Variants in HS3ST3B1 observed in about 807,000 individuals in gnomAD.
The protein encoded by HS3ST3B1 is heparan sulfate-glucosamine 3-sulfotransferase 3B1.
A neutral mutation model predicts 21.3 loss-of-function variants in HS3ST3B1; 13 were observed. The observed-to-expected ratio is 0.61, with a 90% CI of 0.40 to 0.97. The LOEUF (loss-of-function observed/expected upper bound fraction) is 0.97. HS3ST3B1 is among the 50% of genes least tolerant of loss of function. The pLI, the probability that HS3ST3B1 is intolerant of heterozygous loss-of-function variation, is 0.00. For missense variants in HS3ST3B1, 459 were observed against 554.8 expected, an observed-to-expected ratio of 0.83 and a Z score of 1.73; for synonymous variants, 234 against 254.8, an observed-to-expected ratio of 0.92 and a Z score of 0.78.
intron 1 of HS3ST3B1, among the ~76,000 whole-genome samples, chr17:14,316,083 C>G (rs1296172212): frequency 6.6e-6 from 1 of 152,138 alleles, no homozygotes; most frequent in African/African-American, 2.4e-5. Flanking sequence ...AGGTTTCTTG[C>G]AGTTCTAAGA....
intron 1 of HS3ST3B1, among the ~76,000 whole-genome samples, chr17:14,320,917 G>A (rs957352386): frequency 1.3e-5 from 2 of 152,158 alleles, no homozygotes; most frequent in African/African-American, 4.8e-5. Flanking sequence ...CACCTGTTCC[G>A]AGTGTGCAAT....
At chr17:14,336,296 C>T (rs1910183751) in intron 1 of HS3ST3B1, among the ~76,000 whole-genome samples, 1 of 152,082 alleles carries the variant, frequency 6.6e-6, no homozygotes, top group African/African-American at 2.4e-5. Context: ...GTGTAATTTA[C>T]CAGTTCAAAC....
rs897677246 is a variant in HS3ST3B1, at chr17:14,303,638, G to A, written c.554+1566G>A. On this transcript the variant is annotated intron_variant, in intron 1 of 1. Transcript: ENST00000360954. This position sits in a 1 kb window ranked among gnomAD's most constrained non-coding sequence, Gnocchi z 5.7. ...TGGGAATAATGCAGGTTCTGGGCAG[G>A]GATGGGAAGAGTGAATGCGCTGGTA... Among the ~76,000 whole-genome samples, 24 of 152,168 alleles carry A rather than the reference G, an allele frequency of 1.6e-4. 1 individual carries two copies.
At chr17:14,328,323 C>G (rs1170855426) in intron 1 of HS3ST3B1, 1 of 152,126 alleles carries the variant, frequency 6.6e-6, no homozygotes, top group African/African-American at 2.4e-5. Flanking sequence ...AGGTATCGGG[C>G]TTTTAGAATA....
chr17:14,333,515 A>C (rs1910088842), intron 1 of HS3ST3B1, among the ~76,000 whole-genome samples: 1 of 151,836 alleles, frequency 6.6e-6, no homozygotes, highest in South Asian at 2.1e-4. Context: ...CAACTATTGC[A>C]ACAAAGGAAA....
intron 1 of HS3ST3B1, among the ~76,000 whole-genome samples, chr17:14,334,842 C>T (rs1910141654): frequency 1.3e-5 from 2 of 151,618 alleles, no homozygotes; most frequent in Admixed American, 6.6e-5. Context: ...TGATGTTTGT[C>T]GGTTTATCAG....
At chr17:14,308,461 G>A (rs1293110469) in intron 1 of HS3ST3B1, among the ~76,000 whole-genome samples, 3 of 152,250 alleles carry the variant, frequency 2.0e-5, no homozygotes, top group East Asian at 1.9e-4. Context: ...TTCAGAAAAT[G>A]TACTTCATTG....
At chr17:14,308,717 A>T (rs1909207804) in intron 1 of HS3ST3B1, among the ~76,000 whole-genome samples, 1 of 152,190 alleles carries the variant, frequency 6.6e-6, no homozygotes, top group South Asian at 2.1e-4. Context: ...GTTTAACATC[A>T]AGTTGATTGT....
intron 1 of HS3ST3B1, among the ~76,000 whole-genome samples, chr17:14,319,698 G>A (rs1597592270): frequency 1.3e-5 from 2 of 152,272 alleles, no homozygotes; most frequent in East Asian, 3.9e-4. Context: ...AAAATATAAT[G>A]TCACCAAGAG....
intron 1 of HS3ST3B1, among the ~76,000 whole-genome samples, chr17:14,319,382 G>T (rs1156674749): frequency 6.6e-6 from 1 of 152,172 alleles, no homozygotes; most frequent in Non-Finnish European, 1.5e-5. Context: ...AGTCCCTGAG[G>T]ATTGATTATA....
At chr17:14,323,794 G>T (rs1909727638) in intron 1 of HS3ST3B1, among the ~76,000 whole-genome samples, 2 of 152,152 alleles carry the variant, frequency 1.3e-5, no homozygotes, top group African/African-American at 4.8e-5. Flanking sequence ...TCTTTGGAGA[G>T]GTTTGAGCTT....
At chr17:14,321,403 G>A (rs569910869) in intron 1 of HS3ST3B1, among the ~76,000 whole-genome samples, 68 of 152,244 alleles carry the variant, frequency 4.5e-4, no homozygotes, top group African/African-American at 1.6e-3. Flanking sequence ...TGTATCTCCC[G>A]TCTTCTAAAG....
intron 1 of HS3ST3B1, among the ~76,000 whole-genome samples, chr17:14,330,804 AGG>A (rs1379938952): frequency 6.6e-6 from 1 of 152,118 alleles, no homozygotes; most frequent in Non-Finnish European, 1.5e-5. Context: ...TGCTTGCTGG[AGG>A]AATGGCCCTT....
At chr17:14,344,180 G>A (rs927450461) in intron 1 of HS3ST3B1, among the ~76,000 whole-genome samples, 2 of 152,252 alleles carry the variant, frequency 1.3e-5, no homozygotes, top group African/African-American at 2.4e-5. Flanking sequence ...GATTAATGGC[G>A]TGAGCCACTG....
At chr17:14,320,711 C>T (rs1371464943) in intron 1 of HS3ST3B1, among the ~76,000 whole-genome samples, 3 of 152,122 alleles carry the variant, frequency 2.0e-5, no homozygotes, top group Admixed American at 6.5e-5. Context: ...TCCACGTCTT[C>T]GAATCTGGTT....
rs1908899528 is a variant in HS3ST3B1, at chr17:14,301,148, A to C, written c.-371A>C. On this transcript the variant is annotated 5_prime_UTR_variant, in exon 1 of 2. Transcript: ENST00000360954. ...CTCGAGGCTCAGTTCTTAGGACTGC[A>C]AGGAGGCAGCCCCGGCGTGCGGCGG... is the stretch of plus-strand genomic sequence containing the variant. 4.2e-6 allele frequency: 1 copy of C among 236,274 alleles called. No individual in the cohort carries two copies. The highest frequency in any genetic ancestry group is 8.1e-6 in the Non-Finnish European group (1 of 123,636). 14.6% of individuals were successfully genotyped at this position (236,274 alleles called of 1,614,324 possible). A position where few individuals can be genotyped will look rare whatever the true frequency, so the allele number is the denominator to read the frequency against.
In HS3ST3B1 at chr17:14,302,042, G is replaced by T. The variant is rs1403172176; in HGVS notation, c.524G>T (p.Arg175Leu). Residue 175 changes from arginine (R) to leucine (L), a missense_variant, in exon 1 of 2, where the codon CGC becomes CTC. By Grantham distance (102) the Arg-to-Leu change is moderately radical (BLOSUM62 -2). Coordinates refer to ENST00000360954, the MANE Select transcript of HS3ST3B1 (RefSeq NM_006041.3). ...AVGAEPHFFD[R>L]SYDKGLAWYR... ...GGCGCCGAGCCCCATTTCTTCGATC[G>T]CAGCTACGACAAGGGCCTCGCTTGG... is the stretch of plus-strand genomic sequence containing the variant. 1.2e-6 allele frequency: 2 copies of T among 1,606,306 alleles called. No homozygotes were observed. Among genetic ancestry groups the T allele is most frequent in the Admixed American group, 1.7e-5 (1 of 59,766 alleles).
In HS3ST3B1 at chr17:14,301,733, A is replaced by G. The variant is rs1368150671; in HGVS notation, c.215A>G (p.His72Arg). 1.9e-6 allele frequency: 3 copies of G among 1,597,686 alleles called. No homozygotes were observed. The highest frequency in any genetic ancestry group is 1.7e-5 in the Admixed American group (1 of 58,458). Residue 72 changes from histidine (H) to arginine (R), a missense_variant, in exon 1 of 2, where the codon CAC becomes CGC. Transcript: ENST00000360954. ...CTGGGCTCTGGGTCCCGCGCCGCAC[A>G]CGACCCGCCAGCCCTGGCCACAGCT... Reference protein sequence around the residue: ...LLLGSGSRAAHDPPALATAPD... With the variant: ...LLLGSGSRAARDPPALATAPD...
At chr17:14,305,928 G>A (rs930218522) in intron 1 of HS3ST3B1, among the ~76,000 whole-genome samples, 3 of 152,170 alleles carry the variant, frequency 2.0e-5, no homozygotes, top group African/African-American at 7.2e-5. Flanking sequence ...TAAGCAATTT[G>A]CCCAAGATCT....
Sources: allele counts gnomAD v4.1 joint callset (sites outside exome capture counted in the v4.1 genomes callset), GRCh38; gene constraint gnomAD v4.1.1; non-coding constraint Gnocchi (gnomAD v3.1); transcripts MANE v1.5; gene names NCBI Gene and HGNC (gene_info 2026-07-23, HGNC 2026-07-21).